GYS1: variants seen among roughly 807,000 people sequenced by gnomAD.
GYS1 encodes glycogen [starch] synthase, muscle.
GYS1 carries 60 observed loss-of-function variants against 89.1 expected under a neutral mutation model. The observed-to-expected ratio is 0.67, with a 90% CI of 0.55 to 0.84. The LOEUF is 0.84. GYS1 is among the 40% of genes least tolerant of loss of function. GYS1 has a pLI of 0.00. For missense variants in GYS1, 888 were observed against 1,003.1 expected (o/e 0.89, Z 1.55); for synonymous variants, 366 against 401.7 (o/e 0.91, Z 1.06).
chr19:48,973,925 G>T (rs1317444408), intron 12 of GYS1, among the ~76,000 whole-genome samples: 5 of 152,184 alleles, frequency 3.3e-5, no homozygotes, highest in Non-Finnish European at 7.4e-5. Flanking sequence ...GGCTGTATTT[G>T]TGAATTGTGC....
At chr19:48,972,945 C>G (rs1446376582) in intron 12 of GYS1, among the ~76,000 whole-genome samples, 3 of 152,012 alleles carry the variant, frequency 2.0e-5, no homozygotes, top group Non-Finnish European at 4.4e-5. Context: ...TGAGCCTTGG[C>G]AACAGAGTAA....
In GYS1 at chr19:48,989,558, G is replaced by C. The variant is rs536595777; in HGVS notation, c.300+1744C>G. Among the ~76,000 whole-genome samples, 4 of 151,798 alleles carry C rather than the reference G, an allele frequency of 2.6e-5. No homozygotes were observed. In the East Asian group the frequency reaches 7.8e-4, roughly 29 times the overall value. On this transcript the variant is annotated intron_variant, in intron 2 of 15. Transcript: ENST00000323798. ...CCCACCTCAGCCTCCTGAGTAACTGGGATCACGAGCACGCACCATCATGCC... is the reference window on the plus strand; with the variant it reads ...CCCACCTCAGCCTCCTGAGTAACTGCGATCACGAGCACGCACCATCATGCC...
chr19:48,992,630 T>C lies in GYS1; in HGVS notation c.118+365A>G, dbSNP rs74658507. On this transcript the variant is annotated intron_variant, in intron 1 of 15. Transcript: ENST00000323798. ...CCCCTAGACCATGCTGTTAGGGTCATAGGTCTGAAACCCCGGCAGCTTCCC... is the reference window on the plus strand; with the variant it reads ...CCCCTAGACCATGCTGTTAGGGTCACAGGTCTGAAACCCCGGCAGCTTCCC... Among the ~76,000 whole-genome samples the C allele has an allele frequency of 3.5e-3, 529 of 152,244 alleles. 2 individuals carry two copies. The highest frequency in any genetic ancestry group is 0.012 in the African/African-American group (492 of 41,540).
intron 10 of GYS1, among the ~76,000 whole-genome samples, chr19:48,976,776 T>C (rs2038660418): frequency 6.6e-6 from 1 of 152,086 alleles, no homozygotes; most frequent in African/African-American, 2.4e-5. Flanking sequence ...CTTTCGTGTG[T>C]GTGTGTATGT....
chr19:48,974,090 T>C (rs1024728196), intron 12 of GYS1, 123 bp downstream of exon 12: 3 of 1,016,822 alleles, frequency 3.0e-6, no homozygotes, highest in Admixed American at 4.0e-5. Context: ...GAACAGGTGA[T>C]TACCATTGTT....
intron 2 of GYS1, among the ~76,000 whole-genome samples, chr19:48,990,002 G>GGCT (rs960079553): frequency 6.8e-6 from 1 of 146,426 alleles, no homozygotes; most frequent in Non-Finnish European, 1.5e-5. Flanking sequence ...TTTTGCTGGG[G>GGCT]GGGGGGGGGG....
At chr19:48,985,684 G>T (rs1026016954) in intron 4 of GYS1, 79 bp from the exon 5 acceptor site, 4 of 1,564,778 alleles carry the variant, frequency 2.6e-6, no homozygotes, top group African/African-American at 2.7e-5. Flanking sequence ...GGTCCCAAGA[G>T]AAATTGGTGC....
At position 48,976,715 on chromosome 19, in the gene GYS1, G is replaced by T. The variant is rs75390622; in HGVS notation, c.1308+1209C>A. 3.4e-3 allele frequency among the ~76,000 whole-genome samples: 512 copies of T among 152,252 alleles called. 2 individuals carry two copies. The highest frequency in any genetic ancestry group is 0.012 in the African/African-American group (498 of 41,546). ...CAGCAAGGCCCAAGGAGAGCTGAGAGTTGTAATTCTTTTATGGCTGTCTTG... is the reference window on the plus strand; with the variant it reads ...CAGCAAGGCCCAAGGAGAGCTGAGATTTGTAATTCTTTTATGGCTGTCTTG... On this transcript the variant is annotated intron_variant, in intron 10 of 15. Coordinates refer to ENST00000323798, the MANE Select transcript of GYS1 (RefSeq NM_002103.5).
chr19:48,976,568 A>G (rs908850923), intron 10 of GYS1, among the ~76,000 whole-genome samples: 1 of 152,108 alleles, frequency 6.6e-6, no homozygotes, highest in African/African-American at 2.4e-5. Flanking sequence ...GCAGCTGCTG[A>G]GAGTTTGCAA....
intron 2 of GYS1, among the ~76,000 whole-genome samples, chr19:48,989,371 A>G (rs2038887755): frequency 6.6e-6 from 1 of 151,478 alleles, no homozygotes. Flanking sequence ...GGTCCCAGCT[A>G]CTTGGGAGGC....
chr19:48,986,098 C>G, intron 3 of GYS1, 63 bp from the exon 4 acceptor site: 1 of 1,485,870 alleles, frequency 6.7e-7, no homozygotes, highest in Non-Finnish European at 9.3e-7. Flanking sequence ...CGGCAATCCC[C>G]AGTAGGGACA....
In GYS1 at chr19:48,974,632, G is replaced by A. The variant is rs778728429; in HGVS notation, c.1410C>T (p.Ala470=). 17 of 1,612,228 alleles carry A rather than the reference G, an allele frequency of 1.1e-5. No homozygotes were observed. In the East Asian group the frequency reaches 2.9e-4, roughly 27 times the overall value. Residue 470 remains alanine, a synonymous_variant, in exon 11 of 16, where the codon GCC becomes GCT. Transcript: ENST00000323798. ...IRRIGLFNSS[A]DRVKVIFHPE... ...CAAATGCCCTCACCTTCACCCTGTCGGCACTGCTATTGAAGAGGCCGATTC... is the reference window on the plus strand; with the variant it reads ...CAAATGCCCTCACCTTCACCCTGTCAGCACTGCTATTGAAGAGGCCGATTC...
At chr19:48,979,111 A>G (rs1203584344) in intron 8 of GYS1, among the ~76,000 whole-genome samples, 1 of 152,112 alleles carries the variant, frequency 6.6e-6, no homozygotes, top group Non-Finnish European at 1.5e-5. Flanking sequence ...CAAGCCTTCC[A>G]GAAATGTCAG....
intron 11 of GYS1, 69 bp downstream of exon 11, chr19:48,974,551 T>C: frequency 2.7e-6 from 3 of 1,106,484 alleles, no homozygotes; most frequent in Non-Finnish European, 4.1e-6. Context: ...GGGAATGGAG[T>C]GTGTGAGGCC....
At chr19:48,972,239 G>T (rs900886228) in intron 12 of GYS1, among the ~76,000 whole-genome samples, 2 of 151,862 alleles carry the variant, frequency 1.3e-5, no homozygotes, top group Non-Finnish European at 2.9e-5. Context: ...TCTGGAGGCT[G>T]AGGCAGGAGA....
At chr19:48,987,857 G>A (rs549499765) in intron 2 of GYS1, among the ~76,000 whole-genome samples, 11 of 151,768 alleles carry the variant, frequency 7.2e-5, no homozygotes, top group Non-Finnish European at 1.2e-4. Flanking sequence ...CTGGAGTGCC[G>A]TGGCATGATC....
In GYS1 at chr19:48,991,411, A is replaced by C. The variant is rs1296091397; in HGVS notation, c.191T>G (p.Leu64Arg). Residue 64 changes from leucine to arginine, a missense_variant, in exon 2 of 16, where the codon CTG (leucine) becomes CGG (arginine). Coordinates refer to ENST00000323798, the MANE Select transcript of GYS1 (RefSeq NM_002103.5). This position sits in a 1 kb window ranked among gnomAD's most constrained non-coding sequence, Gnocchi z 4.7. ...TGDEWGDNYFLVGPYTEQGVR... is the reference protein window; with the variant it reads ...TGDEWGDNYFRVGPYTEQGVR... ...GCCCTGCTCCGTGTACGGCCCCACC[A>C]GGAAGTAGTTGTCGCCCCATTCGTC... 1 of 1,614,128 alleles carries C rather than the reference A, an allele frequency of 6.2e-7. No homozygotes were observed. The highest frequency in any genetic ancestry group is 1.7e-5 in the Admixed American group (1 of 60,026).
At chr19:48,978,504 C>G (rs1297005854) in intron 8 of GYS1, among the ~76,000 whole-genome samples, 2 of 149,874 alleles carry the variant, frequency 1.3e-5, no homozygotes, top group African/African-American at 5.0e-5. Context: ...GGATTAGAGG[C>G]TTGAGCCACT....
intron 10 of GYS1, among the ~76,000 whole-genome samples, chr19:48,977,161 A>G (rs2038667479): frequency 6.6e-6 from 1 of 152,058 alleles, no homozygotes. Context: ...GCTGGTGTAC[A>G]GTGGCACAGT....
Sources: gnomAD v4.1 joint callset for allele counts (sites outside exome capture counted in the v4.1 genomes callset) on GRCh38, gnomAD v4.1.1 for gene constraint, Gnocchi (gnomAD v3.1) non-coding constraint, MANE v1.5 for transcripts, NCBI Gene and HGNC (gene_info 2026-07-23, HGNC 2026-07-21) for gene names.